The following PDE2A variants were observed in gnomAD, a reference collection of about 807,000 sequenced individuals.
PDE2A encodes phosphodiesterase 2A.
In PDE2A, 53 loss-of-function variants were observed where a neutral mutation model predicts 133.6. The ratio of observed to expected loss-of-function variants is 0.40; its 90% confidence interval spans 0.32 to 0.50. The LOEUF is 0.50. Ranked by LOEUF, PDE2A falls within the 20% of genes least tolerant of loss-of-function variation. The pLI is 0.73. For missense variants in PDE2A, 796 were observed against 1,232.4 expected (o/e 0.65, Z 5.30); for synonymous variants, 491 against 490.2 (o/e 1.00, Z -0.02).
chr11:72,610,961 G>A (rs1301891722), intron 2 of PDE2A, among the ~76,000 whole-genome samples: 2 of 152,200 alleles, frequency 1.3e-5, no homozygotes, highest in East Asian at 3.9e-4. Context: ...AAAAGGGGAG[G>A]AAGAGCTGAT....
rs540293924 is a variant in PDE2A, at chr11:72,597,223, C to A, written c.433+287G>T. ...ACAACCACAGCCACGGGCCACTGAG[C>A]CCTCGCTTGTGCCAGGCCCCTAACA... On this transcript the variant is annotated intron_variant, in intron 5 of 30. Transcript: ENST00000334456. This position sits in a 1 kb window ranked among gnomAD's most constrained non-coding sequence, Gnocchi z 4.6. Among the ~76,000 whole-genome samples, 1 of 152,360 alleles carries A rather than the reference C, an allele frequency of 6.6e-6. No individual in the cohort carries two copies. Among genetic ancestry groups the A allele is most frequent in the South Asian group, 2.1e-4 (1 of 4,830 alleles).
At chr11:72,598,942 C>T (rs780832400) in intron 4 of PDE2A, 23 of 985,268 alleles carry the variant, frequency 2.3e-5, no homozygotes, top group East Asian at 1.1e-4. Flanking sequence ...CCAGTCACCC[C>T]GGGAAGGAGA....
rs1856240593 is a variant in PDE2A, at chr11:72,591,369, G to A, written c.490-13C>T. The A allele has an allele frequency of 1.2e-6, 2 of 1,610,890 alleles. No homozygotes were observed. Among genetic ancestry groups the A allele is most frequent in the Non-Finnish European group, 1.7e-6 (2 of 1,177,344 alleles). ...GGCCACAGTGCACCTGGAGGGATGG[G>A]AGAAGGGAACTAGCTGTGACCTCTC... On this transcript the variant is annotated splice_polypyrimidine_tract_variant and intron_variant, in intron 6 of 30. Transcript: ENST00000334456.
At chr11:72,644,716 G>GTTATT (rs559565779) in intron 1 of PDE2A, among the ~76,000 whole-genome samples, 70 of 149,966 alleles carry the variant, frequency 4.7e-4, no homozygotes, top group African/African-American at 1.7e-3. Flanking sequence ...CTCTTGAGAA[G>GTTATT]TTATTTTATT....
At chr11:72,629,186 C>T (rs1051170780) in intron 2 of PDE2A, among the ~76,000 whole-genome samples, 44 of 152,146 alleles carry the variant, frequency 2.9e-4, no homozygotes, top group African/African-American at 8.9e-4. Context: ...CAGGTGGGGC[C>T]GACCCAGGGA....
chr11:72,657,697 G>T (rs1021429312), intron 1 of PDE2A: 7 of 433,414 alleles, frequency 1.6e-5, no homozygotes, highest in Non-Finnish European at 2.8e-5. Flanking sequence ...GCTGATCAGA[G>T]CAGCCACTGG....
intron 2 of PDE2A, among the ~76,000 whole-genome samples, chr11:72,622,866 A>T (rs74774830): frequency 1.7e-3 from 265 of 152,324 alleles, no homozygotes; most frequent in African/African-American, 6.1e-3. Flanking sequence ...ACCACAATTT[A>T]AAAAATTTTA....
chr11:72,580,585 CG>C lies in PDE2A; in HGVS notation c.2172del (p.Val725SerfsTer36). ...GGACAGAAGAGTGATACCTCCATGA[CG>C]GAGCCCTCAGAGCTGTAGAGCGCAG... Reference protein sequence around the residue: ...VLAALYSSEGSVMERHHFAQA... With the variant: ...VLAALYSSEGXVMERHHFAQA... On this transcript the variant is annotated frameshift_variant, in exon 25 of 31. Transcript: ENST00000334456. LOFTEE classifies it high-confidence loss of function. 6.4e-7 allele frequency: 1 copy of C among 1,568,360 alleles called. No homozygotes were observed.
intron 1 of PDE2A, among the ~76,000 whole-genome samples, chr11:72,644,691 C>T (rs1450701163): frequency 6.6e-6 from 1 of 152,242 alleles, no homozygotes; most frequent in African/African-American, 2.4e-5. Context: ...CAGGCACCAC[C>T]TCCATGGCAC....
chr11:72,590,428 G>A lies in PDE2A; in HGVS notation c.702C>T (p.Cys234=), dbSNP rs1231899148. 3.8e-6 allele frequency: 6 copies of A among 1,568,002 alleles called. No homozygotes were observed. Among genetic ancestry groups the A allele is most frequent in the Non-Finnish European group, 4.3e-6 (5 of 1,157,708 alleles). The change falls in exon 8 of 31, where the codon TGC becomes TGT. Residue 234 remains cysteine, a splice_region_variant and synonymous_variant. Coordinates refer to ENST00000334456, the MANE Select transcript of PDE2A (RefSeq NM_002599.5). The surrounding 1 kb of genome is among the most constrained non-coding windows in gnomAD (Gnocchi z 4.8). Reference sequence around the variant, plus strand: ...GACCTGTCCAGGCCGGGCCCTCACCGCACAGTTGGAGGATCTTGCGGTCGC... The same window carrying A: ...GACCTGTCCAGGCCGGGCCCTCACCACACAGTTGGAGGATCTTGCGGTCGC... ...TDRDRKILQL[C]GELYDLDASS...
intron 2 of PDE2A, among the ~76,000 whole-genome samples, chr11:72,620,110 C>T (rs986677714): frequency 3.9e-5 from 6 of 152,150 alleles, no homozygotes; most frequent in African/African-American, 9.7e-5. Flanking sequence ...ATAGCCTGCA[C>T]GGTTAAGAGA....
intron 2 of PDE2A, among the ~76,000 whole-genome samples, chr11:72,627,152 T>C (rs1467573337): frequency 2.0e-5 from 3 of 152,206 alleles, no homozygotes; most frequent in Admixed American, 1.3e-4. Context: ...GCCACTCTTG[T>C]TCATTCAAGA....
chr11:72,616,369 C>A (rs1223050336), intron 2 of PDE2A, among the ~76,000 whole-genome samples: 1 of 152,212 alleles, frequency 6.6e-6, no homozygotes, highest in Non-Finnish European at 1.5e-5. Flanking sequence ...TGCAGTGCCA[C>A]CCTTTCCCGT....
At chr11:72,640,451 G>T (rs1368954031) in intron 2 of PDE2A, among the ~76,000 whole-genome samples, 1 of 151,840 alleles carries the variant, frequency 6.6e-6, no homozygotes. Context: ...TTGTCAACTG[G>T]CTCCTCACCT....
chr11:72,604,068 G>A (rs1029410081), intron 4 of PDE2A, among the ~76,000 whole-genome samples: 1 of 152,218 alleles, frequency 6.6e-6, no homozygotes, highest in Non-Finnish European at 1.5e-5. Context: ...TCCTCACAGG[G>A]GTAGAGAGCT....
At chr11:72,593,330 G>A (rs777276572) in intron 6 of PDE2A, among the ~76,000 whole-genome samples, 14 of 151,622 alleles carry the variant, frequency 9.2e-5, no homozygotes, top group African/African-American at 1.2e-4. Flanking sequence ...TGCACCTGGC[G>A]CCCCCATACA....
At chr11:72,618,292 C>T (rs759214582) in intron 2 of PDE2A, among the ~76,000 whole-genome samples, 8 of 152,238 alleles carry the variant, frequency 5.3e-5, no homozygotes, top group Admixed American at 2.6e-4. Context: ...CCAGCCTCCC[C>T]ACTCCCAGCC....
At chr11:72,658,193 T>C in intron 1 of PDE2A, 1 of 449,272 alleles carries the variant, frequency 2.2e-6, no homozygotes, top group Non-Finnish European at 4.5e-6. Flanking sequence ...CGCTGCCTTC[T>C]CTGAACTGCC....
chr11:72,589,141 C>A (rs764446225), intron 12 of PDE2A, 34 bp downstream of exon 12: 1 of 1,586,836 alleles, frequency 6.3e-7, no homozygotes, highest in East Asian at 2.2e-5. Context: ...GGGGTCTCCT[C>A]TTTCCCCTCT....
Sources: allele counts gnomAD v4.1 joint callset (sites outside exome capture counted in the v4.1 genomes callset), GRCh38; gene constraint gnomAD v4.1.1; non-coding constraint Gnocchi (gnomAD v3.1); transcripts MANE v1.5; gene names NCBI Gene and HGNC (gene_info 2026-07-23, HGNC 2026-07-21).